TENM1: variants seen among roughly 807,000 people sequenced by gnomAD.
The protein encoded by TENM1 is teneurin transmembrane protein 1, also known as teneurin-1.
A neutral mutation model predicts 174.8 loss-of-function variants in TENM1; 35 were observed. That is an observed-to-expected ratio of 0.20 (90% CI 0.15 to 0.27). The LOEUF (loss-of-function observed/expected upper bound fraction) is 0.27. Ranked by LOEUF, TENM1 falls within the 10% of genes least tolerant of loss-of-function variation. TENM1 has a pLI of 1.00. For synonymous variants in TENM1, 781 were observed against 798.7 expected, an observed-to-expected ratio of 0.98 and a Z score of 0.37; for missense variants, 1,633 against 2,130.1, an observed-to-expected ratio of 0.77 and a Z score of 4.59.
At chrX:125,177,535 A>G in the TENM1 span, among the ~76,000 whole-genome samples, 13 of 112,229 alleles carry the variant, frequency 1.2e-4, 1 homozygote, top group Non-Finnish European at 1.5e-4. Flanking sequence ...CTTTACCTTT[A>G]AAAAAAGTAT....
At chrX:124,486,884 C>G (rs2046964698) in intron 21 of TENM1, among the ~76,000 whole-genome samples, 1 of 111,937 alleles carries the variant, frequency 8.9e-6, no homozygotes, top group South Asian at 3.7e-4. Context: ...AACATCAAAT[C>G]TATTTGAACT....
rs73550495 is a variant in TENM1, at chrX:124,538,833, A to G, written c.2651+8041T>C. Among the ~76,000 whole-genome samples, 268 of 112,157 alleles carry G rather than the reference A, an allele frequency of 2.4e-3. 3 individuals carry two copies. The highest frequency in any genetic ancestry group is 8.4e-3 in the African/African-American group (259 of 30,956). On this transcript the variant is annotated intron_variant, in intron 15 of 31. Transcript: ENST00000422452. ...GTAATAGCACTATATTTCCTTTTAA[A>G]TATTTTAAAATATAGGCTTATCTTT...
intron 22 of TENM1, among the ~76,000 whole-genome samples, chrX:124,467,078 T>A (rs2061248986): frequency 9.0e-6 from 1 of 111,439 alleles, no homozygotes; most frequent in African/African-American, 3.3e-5. Context: ...ATGGGGCACC[T>A]ACCCACCTTC....
chrX:124,996,101 A>G, the TENM1 span, among the ~76,000 whole-genome samples: 1 of 111,692 alleles, frequency 9.0e-6, no homozygotes. Flanking sequence ...TTTTAAACCA[A>G]TAAGTGGACT....
the TENM1 span, among the ~76,000 whole-genome samples, chrX:125,027,071 C>T: frequency 9.0e-6 from 1 of 111,534 alleles, no homozygotes; most frequent in Admixed American, 9.5e-5. Context: ...CAAGACAATG[C>T]AATAAAACAA....
chrX:124,538,224 C>T (rs919450209), intron 15 of TENM1, among the ~76,000 whole-genome samples: 2 of 111,731 alleles, frequency 1.8e-5, no homozygotes, highest in African/African-American at 3.2e-5. Flanking sequence ...CAAGAGATCC[C>T]ATCTTCAGTA....
chrX:124,562,720 A>G (rs1309417681), intron 13 of TENM1, among the ~76,000 whole-genome samples: 1 of 112,857 alleles, frequency 8.9e-6, no homozygotes, highest in Non-Finnish European at 1.9e-5. Flanking sequence ...CATGCGCCAC[A>G]TGCGCAGTGG....
chrX:125,194,847 TCTGA>T, the TENM1 span, among the ~76,000 whole-genome samples: 26 of 112,032 alleles, frequency 2.3e-4, no homozygotes, highest in African/African-American at 8.1e-4. Flanking sequence ...CTCCATATTC[TCTGA>T]CTAAAAAACA....
chrX:124,644,335 T>C (rs1193543667), intron 10 of TENM1, among the ~76,000 whole-genome samples: 1 of 107,667 alleles, frequency 9.3e-6, no homozygotes, highest in East Asian at 2.9e-4. Flanking sequence ...TAGAATGCTG[T>C]GTAATAGTCT....
chrX:125,043,327 A>G, the TENM1 span, among the ~76,000 whole-genome samples: 1 of 20 alleles, frequency 0.05, no homozygotes, highest in Non-Finnish European at 0.062. Context: ...AGAAAAAAAC[A>G]AACAACCCAT....
At chrX:125,075,610 A>T in the TENM1 span, among the ~76,000 whole-genome samples, 1 of 110,918 alleles carries the variant, frequency 9.0e-6, no homozygotes, top group Non-Finnish European at 1.9e-5. Context: ...ATTTTCAAAC[A>T]TTTTCCCTAT....
At chrX:124,929,932 A>G (rs1458184765) in intron 1 of TENM1, among the ~76,000 whole-genome samples, 1 of 112,007 alleles carries the variant, frequency 8.9e-6, no homozygotes, top group Non-Finnish European at 1.9e-5. Flanking sequence ...TATATTCAGA[A>G]GGTAAAGGAT....
rs149656782 is a variant in TENM1, at chrX:124,822,486, T to C, written c.535+71810A>G. Reference sequence around the variant, plus strand: ...TTGTGCCAAAGTACTCCTTGTACTGTAGGTCATAACTGAAATGGAACTTCT... The same window carrying C: ...TTGTGCCAAAGTACTCCTTGTACTGCAGGTCATAACTGAAATGGAACTTCT... On this transcript the variant is annotated intron_variant, in intron 3 of 31. Coordinates refer to ENST00000422452, the Ensembl canonical transcript of TENM1. 6.0e-3 allele frequency among the ~76,000 whole-genome samples: 680 copies of C among 112,421 alleles called. 3 individuals carry two copies. The highest frequency in any genetic ancestry group is 0.02 in the African/African-American group (635 of 31,022).
chrX:124,843,818 T>C (rs1007711321), intron 3 of TENM1, among the ~76,000 whole-genome samples: 3 of 111,546 alleles, frequency 2.7e-5, no homozygotes, highest in Non-Finnish European at 5.7e-5. Flanking sequence ...ATTTGGTGCT[T>C]GTAGTTCCAT....
the TENM1 span, among the ~76,000 whole-genome samples, chrX:125,147,726 T>C: frequency 1.8e-5 from 2 of 111,564 alleles, no homozygotes; most frequent in African/African-American, 6.5e-5. Flanking sequence ...TTCATAATCC[T>C]GCATCCATCC....
At chrX:125,008,705 A>G in the TENM1 span, among the ~76,000 whole-genome samples, 2 of 112,381 alleles carry the variant, frequency 1.8e-5, no homozygotes, top group African/African-American at 6.5e-5. Context: ...AGTGCAAACA[A>G]ATTAGAACTC....
chrX:124,650,344 AAAGAC>A (rs1424832608), intron 8 of TENM1, among the ~76,000 whole-genome samples: 3 of 111,511 alleles, frequency 2.7e-5, no homozygotes, highest in African/African-American at 9.8e-5. Flanking sequence ...CTAATTTTAA[AAAGAC>A]AAGAGAAAAG....
chrX:124,974,901 T>TATATATAAAATATATATATATAA, the TENM1 span, among the ~76,000 whole-genome samples: 1 of 97,573 alleles, frequency 1.0e-5, no homozygotes, highest in African/African-American at 3.7e-5. Context: ...TATATATATA[T>TATATATAAAATATATATATATAA]AAAATAATTT....
intron 1 of TENM1, among the ~76,000 whole-genome samples, chrX:124,932,799 G>T (rs897806180): frequency 4.5e-5 from 5 of 112,057 alleles, no homozygotes; most frequent in African/African-American, 1.6e-4. Flanking sequence ...ATGTGGAAAT[G>T]TAAGTCCCTA....
Sources: allele counts gnomAD v4.1 joint callset (sites outside exome capture counted in the v4.1 genomes callset), GRCh38; gene constraint gnomAD v4.1.1; transcripts MANE v1.5; gene names NCBI Gene and HGNC (gene_info 2026-07-23, HGNC 2026-07-21).